Variants in LYN observed in about 807,000 individuals in gnomAD.
LYN encodes LYN proto-oncogene, Src family tyrosine kinase.
In LYN, 12 loss-of-function variants were observed where a neutral mutation model predicts 65.0. The ratio of observed to expected loss-of-function variants is 0.18; its 90% confidence interval spans 0.12 to 0.30. The LOEUF is 0.30. Among genes scored for constraint, LYN ranks in the 10% least tolerant of loss-of-function variants. The pLI, the probability that LYN is intolerant of heterozygous loss-of-function variation, is 1.00. For synonymous variants in LYN, 222 were observed against 221.2 expected (o/e 1.00, Z -0.03); for missense variants, 380 against 623.2 (o/e 0.61, Z 4.16).
At chr8:55,964,910 G>A (rs1807403390) in intron 8 of LYN, among the ~76,000 whole-genome samples, 1 of 152,156 alleles carries the variant, frequency 6.6e-6, no homozygotes, top group Non-Finnish European at 1.5e-5. Flanking sequence ...AAAGGGGACC[G>A]TCCACTCCAC....
chr8:55,966,174 G>GT (rs1020931743), intron 8 of LYN, among the ~76,000 whole-genome samples: 7 of 151,782 alleles, frequency 4.6e-5, no homozygotes, highest in South Asian at 2.1e-4. Flanking sequence ...CAATAAAAAC[G>GT]TTTTTTTGCT....
In LYN at chr8:55,904,663, T is replaced by C. The variant is rs528555475; in HGVS notation, c.-6+24560T>C. ...TACTCGGGAGGCTGAGGCAGGAGAA[T>C]TGCTTGAGCCCGGGAGGTGGAGTTT... On this transcript the variant is annotated intron_variant, in intron 1 of 12. Coordinates refer to ENST00000519728, the MANE Select transcript of LYN (RefSeq NM_002350.4). Among the ~76,000 whole-genome samples the C allele has an allele frequency of 5.3e-5, 8 of 152,190 alleles. No individual in the cohort carries two copies. The South Asian group carries it at 1.7e-3, about 32-fold the overall frequency.
chr8:55,902,710 C>G, intron 1 of LYN: 1 of 479,026 alleles, frequency 2.1e-6, no homozygotes, highest in South Asian at 1.5e-5. Context: ...ATATTTTACT[C>G]ATAAGCATGG....
chr8:56,010,524 C>A lies in LYN; in HGVS notation c.*414C>A. The A allele has an allele frequency of 4.0e-6, 1 of 251,188 alleles. No homozygotes were observed. Among genetic ancestry groups the A allele is most frequent in the East Asian group, 5.7e-5 (1 of 17,404 alleles). The allele number at this position is 251,188 out of a possible 1,614,324, so 15.6% of individuals were successfully genotyped here. A position where few individuals can be genotyped will look rare whatever the true frequency, so the allele number is the denominator to read the frequency against. Reference sequence around the variant, plus strand: ...AACTCATTTATAAAGCTAAAATAACCGGATATATACATAGCATGACATTTC... The same window carrying A: ...AACTCATTTATAAAGCTAAAATAACAGGATATATACATAGCATGACATTTC... On this transcript the variant is annotated 3_prime_UTR_variant, in exon 13 of 13. Coordinates refer to ENST00000519728, the MANE Select transcript of LYN (RefSeq NM_002350.4).
At chr8:55,991,849 A>G (rs1160125045) in intron 10 of LYN, among the ~76,000 whole-genome samples, 2 of 152,188 alleles carry the variant, frequency 1.3e-5, no homozygotes, top group Non-Finnish European at 1.5e-5. Context: ...ATACCATCAT[A>G]TGTTTTCACT....
intron 8 of LYN, among the ~76,000 whole-genome samples, chr8:55,966,252 T>C (rs1276479361): frequency 6.6e-6 from 1 of 150,846 alleles, no homozygotes; most frequent in Non-Finnish European, 1.5e-5. Context: ...AGAAAATTCC[T>C]AGATACTTTT....
At chr8:55,942,269 A>G (rs1050016638) in intron 2 of LYN, among the ~76,000 whole-genome samples, 11 of 150,234 alleles carry the variant, frequency 7.3e-5, no homozygotes, top group African/African-American at 2.4e-4. Flanking sequence ...ACCCCACTAT[A>G]TATATATACA....
rs1465851972 is a variant in LYN at position 56,010,335 on chromosome 8, A to C, written c.*225A>C. The C allele has an allele frequency of 1.4e-5, 7 of 516,670 alleles. No homozygotes were observed. The highest frequency in any genetic ancestry group is 2.5e-5 in the Non-Finnish European group (7 of 285,068). 32.0% of individuals were successfully genotyped at this position (516,670 alleles called of 1,614,324 possible). A position where few individuals can be genotyped will look rare whatever the true frequency, so the allele number is the denominator to read the frequency against. On this transcript the variant is annotated 3_prime_UTR_variant, in exon 13 of 13. Transcript: ENST00000519728. ...GTTGCAACTTGGACTTGTCCTCAGC[A>C]GCTGGTAATCTTGCTCTGCTTGACA...
At position 56,011,639 on chromosome 8, in the gene LYN, T is replaced by C. The variant is rs1808820315; in HGVS notation, c.*1529T>C. ...AACAGGCATCATTAAAATTTCATTC[T>C]GTGTGTTTTGTTTAGGCTTGAGGTG... On this transcript the variant is annotated 3_prime_UTR_variant, in exon 13 of 13. Transcript: ENST00000519728. The C allele has an allele frequency of 5.2e-6, 1 of 193,724 alleles. No individual in the cohort carries two copies. Among genetic ancestry groups the C allele is most frequent in the African/African-American group, 2.3e-5 (1 of 43,178 alleles). The allele number at this position is 193,724 out of a possible 1,614,324, so 12.0% of individuals were successfully genotyped here. A position where few individuals can be genotyped will look rare whatever the true frequency, so the allele number is the denominator to read the frequency against.
At position 56,010,492 on chromosome 8, in the gene LYN, A is replaced by G. The variant is rs1585691048; in HGVS notation, c.*382A>G. On this transcript the variant is annotated 3_prime_UTR_variant, in exon 13 of 13. Coordinates refer to ENST00000519728, the MANE Select transcript of LYN (RefSeq NM_002350.4). ...ATTGCAATGAATCCCCAATAATTGC[A>G]GAACTAAACTCATTTATAAAGCTAA... The G allele has an allele frequency of 1.4e-5, 4 of 285,242 alleles. No homozygotes were observed. The South Asian group carries it at 2.9e-4, about 21-fold the overall frequency. The allele number at this position is 285,242 out of a possible 1,614,324, so 17.7% of individuals were successfully genotyped here.
intron 12 of LYN, among the ~76,000 whole-genome samples, chr8:56,005,297 T>A (rs910060189): frequency 8.5e-5 from 13 of 152,334 alleles, no homozygotes; most frequent in African/African-American, 3.1e-4. Context: ...GTGTGGCCCA[T>A]GTCTTCAGTC....
intron 2 of LYN, among the ~76,000 whole-genome samples, chr8:55,944,860 C>T (rs1324723628): frequency 1.3e-5 from 2 of 152,142 alleles, no homozygotes; most frequent in Admixed American, 6.6e-5. Context: ...ACCCACACAC[C>T]GCTTTTTCCT....
intron 1 of LYN, among the ~76,000 whole-genome samples, chr8:55,924,156 A>T (rs2130438541): frequency 6.6e-6 from 1 of 152,030 alleles, no homozygotes; most frequent in East Asian, 1.9e-4. Flanking sequence ...TAATGTTGAA[A>T]CAGCACTACC....
chr8:55,884,873 T>C (rs1585559308), intron 1 of LYN, among the ~76,000 whole-genome samples: 1 of 152,238 alleles, frequency 6.6e-6, no homozygotes, highest in East Asian at 1.9e-4. Flanking sequence ...CATCCTGTTC[T>C]GTACTTCATT....
chr8:55,997,838 A>T (rs776227403), intron 10 of LYN, among the ~76,000 whole-genome samples: 15 of 152,208 alleles, frequency 9.9e-5, no homozygotes, highest in Non-Finnish European at 1.8e-4. Context: ...TAATCCCAGC[A>T]CTTTGGGAGG....
At chr8:55,900,373 T>G (rs893572651) in intron 1 of LYN, among the ~76,000 whole-genome samples, 3 of 152,120 alleles carry the variant, frequency 2.0e-5, no homozygotes, top group African/African-American at 7.2e-5. Flanking sequence ...TCCTCTTTTT[T>G]ATTTTTAATT....
chr8:55,898,727 A>G (rs1163459180), intron 1 of LYN, among the ~76,000 whole-genome samples: 1 of 152,266 alleles, frequency 6.6e-6, no homozygotes, highest in East Asian at 1.9e-4. Context: ...TTACACAAAA[A>G]GAAATTCTGT....
intron 1 of LYN, among the ~76,000 whole-genome samples, chr8:55,902,271 G>A (rs1173791654): frequency 2.6e-5 from 4 of 151,824 alleles, no homozygotes; most frequent in African/African-American, 7.3e-5. Context: ...GCCTCCCAAA[G>A]TGCTGGGATG....
chr8:55,882,276 G>A (rs1030929352), intron 1 of LYN, among the ~76,000 whole-genome samples: 2 of 152,120 alleles, frequency 1.3e-5, no homozygotes, highest in East Asian at 3.9e-4. Context: ...TTGTAATCCC[G>A]CCCCTGCCCT....
Sources: gnomAD v4.1 joint callset for allele counts (sites outside exome capture counted in the v4.1 genomes callset) on GRCh38, gnomAD v4.1.1 for gene constraint, MANE v1.5 for transcripts, NCBI Gene and HGNC (gene_info 2026-07-23, HGNC 2026-07-21) for gene names.